Variants in HERC2 observed in about 807,000 individuals in gnomAD.
HERC2 encodes the protein HECT and RLD domain containing E3 ubiquitin protein ligase 2.
In HERC2, 102 loss-of-function variants were observed where a neutral mutation model predicts 537.7. The observed-to-expected ratio is 0.19, with a 90% CI of 0.16 to 0.22. The LOEUF is 0.22. Ranked by LOEUF, HERC2 falls within the 10% of genes least tolerant of loss-of-function variation. HERC2 has a pLI of 1.00. For synonymous variants in HERC2, 2,224 were observed against 2,466.2 expected, an observed-to-expected ratio of 0.90 and a Z score of 2.91; for missense variants, 4,236 against 6,198.2, an observed-to-expected ratio of 0.68 and a Z score of 10.63.
chr15:28,260,152 C>T (rs2075380181), intron 16 of HERC2, among the ~76,000 whole-genome samples: 1 of 146,270 alleles, frequency 6.8e-6, no homozygotes, highest in African/African-American at 2.5e-5. Context: ...CCAGCCTGGG[C>T]AACATAGTGA....
At chr15:28,134,893 G>A (rs1444107403) in intron 79 of HERC2, among the ~76,000 whole-genome samples, 2 of 151,708 alleles carry the variant, frequency 1.3e-5, no homozygotes, top group African/African-American at 4.8e-5. Flanking sequence ...GGCTAGTCTT[G>A]AACTCCTGAG....
At chr15:28,227,947 G>C (rs901620660) in intron 35 of HERC2, among the ~76,000 whole-genome samples, 1 of 152,098 alleles carries the variant, frequency 6.6e-6, no homozygotes, top group African/African-American at 2.4e-5. Context: ...ACTACCAGGG[G>C]CTGGAGGGCA....
chr15:28,228,194 G>A (rs780050458), intron 35 of HERC2, 24 bp downstream of exon 35: 2 of 1,602,726 alleles, frequency 1.2e-6, no homozygotes, highest in Admixed American at 1.7e-5. Context: ...TTTCCCAAAG[G>A]CGCTCAAGCG....
chr15:28,226,140 C>T (rs1304371821), intron 35 of HERC2, among the ~76,000 whole-genome samples: 3 of 152,132 alleles, frequency 2.0e-5, no homozygotes, highest in Admixed American at 6.5e-5. Context: ...TTAAAGAGGA[C>T]AGAAATAAAT....
In HERC2 at chr15:28,111,932, T is replaced by C. The variant is rs1171782971; in HGVS notation, c.14336A>G (p.Glu4779Gly). The change falls in exon 93 of 93, where the codon GAG becomes GGG. Residue 4779 changes from glutamate to glycine, a missense_variant. Coordinates refer to ENST00000261609, the MANE Select transcript of HERC2 (RefSeq NM_004667.6). ...PRYSCKQVLE[E>G]KLKYAIHFCK... ...GAAGTGGATGGCGTACTTGAGCTTC[T>C]CCTCCAGCACCTGCTTGCAGGAATA... 6.2e-7 allele frequency: 1 copy of C among 1,614,000 alleles called. No homozygotes were observed. The highest frequency in any genetic ancestry group is 1.3e-5 in the African/African-American group (1 of 74,890).
intron 14 of HERC2, 152 bp from the exon 15 acceptor site, chr15:28,263,321 A>G (rs74877971): frequency 0.021 from 15,382 of 730,884 alleles, 332 homozygotes; most frequent in Middle Eastern, 0.068. Context: ...AGCAAACGAA[A>G]TCTAGGTGAC....
rs773179188 is a variant in HERC2, at chr15:28,265,648, C to T, written c.1840G>A (p.Asp614Asn). 6.2e-7 allele frequency: 1 copy of T among 1,614,126 alleles called. No individual in the cohort carries two copies. The highest frequency in any genetic ancestry group is 8.5e-7 in the Non-Finnish European group (1 of 1,180,020). ...TCAGTGACAGCCAGGGTTTGAGCAT[C>T]CCCACTCCCACACGCCACATCGATG... ...KVIDVACGSGDAQTLAVTENG... is the reference protein window; with the variant it reads ...KVIDVACGSGNAQTLAVTENG... The change falls in exon 14 of 93, where the codon GAT becomes AAT. Residue 614 changes from aspartate to asparagine, a missense_variant. Physicochemically the swap from Asp to Asn is conservative, Grantham distance 23 (BLOSUM62 1). Transcript: ENST00000261609. The surrounding 1 kb of genome is among the most constrained non-coding windows in gnomAD (Gnocchi z 4.0).
At position 28,254,499 on chromosome 15, in the gene HERC2, T is replaced by C; in HGVS notation, c.2891A>G (p.Glu964Gly). Residue 964 changes from glutamate to glycine, a missense_variant, in exon 20 of 93, where the codon GAA (glutamate) becomes GGA (glycine). Physicochemically the swap from Glu to Gly is moderately conservative, Grantham distance 98. Transcript: ENST00000261609. ...AEIQDIEAKK[E>G]AQKEKEIDEQ... ...ATCAATTTCTTTTTCCTTCTGTGCTTCTTTTTTGGCTTCAATATCCTGTAA... is the reference window on the plus strand; with the variant it reads ...ATCAATTTCTTTTTCCTTCTGTGCTCCTTTTTTGGCTTCAATATCCTGTAA... 6.3e-7 allele frequency: 1 copy of C among 1,595,294 alleles called. No homozygotes were observed. Among genetic ancestry groups the C allele is most frequent in the Admixed American group, 1.9e-5 (1 of 53,818 alleles).
At chr15:28,261,963 C>A (rs933203237) in intron 15 of HERC2, among the ~76,000 whole-genome samples, 1 of 151,484 alleles carries the variant, frequency 6.6e-6, no homozygotes, top group Non-Finnish European at 1.5e-5. Context: ...ACACACAACG[C>A]AGCCCAAGGC....
chr15:28,222,112 G>C lies in HERC2; in HGVS notation c.5568C>G (p.Leu1856=), dbSNP rs1278834883. The C allele has an allele frequency of 9.9e-7, 1 of 1,007,038 alleles. No homozygotes were observed. The highest frequency in any genetic ancestry group is 2.2e-5 in the East Asian group (1 of 44,500). 62.4% of individuals were successfully genotyped at this position (1,007,038 alleles called of 1,614,324 possible). A position where few individuals can be genotyped will look rare whatever the true frequency, so the allele number is the denominator to read the frequency against. Residue 1856 remains leucine, a synonymous_variant, in exon 36 of 93, where the codon CTC becomes CTG. Transcript: ENST00000261609. ...ETRKETAPVQ[L]PVSGPELAAM... ...CAGCCAGTTCTGGTCCTGAAACAGG[G>C]AGCTGCACAGGAGCCGTTTCCTTCC...
chr15:28,138,832 T>G (rs536588388), intron 78 of HERC2, among the ~76,000 whole-genome samples: 1 of 152,334 alleles, frequency 6.6e-6, no homozygotes, highest in East Asian at 1.9e-4. Flanking sequence ...CAAACTAAAT[T>G]GAAAACCTTC....
intron 3 of HERC2, among the ~76,000 whole-genome samples, chr15:28,295,313 G>T (rs1305204213): frequency 7.2e-6 from 1 of 138,402 alleles, no homozygotes; most frequent in Non-Finnish European, 1.6e-5. Flanking sequence ...GTGTGTGGGG[G>T]GGGGGGAGTG....
rs1220491697 is a variant in HERC2, at chr15:28,220,480, T to C, written c.5817A>G (p.Ala1939=). 6.2e-7 allele frequency: 1 copy of C among 1,605,810 alleles called. No individual in the cohort carries two copies. Among genetic ancestry groups the C allele is most frequent in the Non-Finnish European group, 8.5e-7 (1 of 1,179,820 alleles). ...AELPAAAQPS[A]EDSDTEDDSE... ...AGTCATCCTCTGTGTCCGAATCCTC[T>C]GCTGAGGGCTGTGCAGCAGCCGGCA... The change falls in exon 37 of 93, where the codon GCA becomes GCG. Residue 1939 remains alanine (A), a synonymous_variant. Transcript: ENST00000261609.
chr15:28,228,109 C>T (rs1463057922), intron 35 of HERC2, 109 bp downstream of exon 35: 5 of 966,228 alleles, frequency 5.2e-6, no homozygotes, highest in African/African-American at 1.7e-5. Context: ...TTGTGTCTTA[C>T]CATAATTTAC....
rs55907941 is a variant in HERC2, at chr15:28,169,346, T to A, written c.10229+138A>T. ...ATATCACCAATCACCATCAAAGAAC[T>A]TGTGACTTACAACATACAGCATTTA... On this transcript the variant is annotated intron_variant, in intron 66 of 92. Coordinates refer to ENST00000261609, the MANE Select transcript of HERC2 (RefSeq NM_004667.6). 0.043 allele frequency: 25,159 copies of A among 585,192 alleles called. 4,991 individuals are homozygous for A. The African/African-American group carries it at 0.43, about 10-fold the overall frequency. 36.2% of individuals were successfully genotyped at this position (585,192 alleles called of 1,614,324 possible).
chr15:28,307,952 G>A (rs904648201), intron 2 of HERC2, among the ~76,000 whole-genome samples: 16 of 152,092 alleles, frequency 1.1e-4, no homozygotes, highest in African/African-American at 2.9e-4. Context: ...GGTTACTATA[G>A]CTCTGTAGTA....
At chr15:28,171,604 C>A (rs1326506065) in intron 65 of HERC2, among the ~76,000 whole-genome samples, 1 of 151,558 alleles carries the variant, frequency 6.6e-6, no homozygotes, top group Non-Finnish European at 1.5e-5. Context: ...GGGGAAAAAA[C>A]AAAATATTTG....
intron 2 of HERC2, among the ~76,000 whole-genome samples, chr15:28,301,812 T>C (rs1197337523): frequency 7.2e-6 from 1 of 138,150 alleles, no homozygotes; most frequent in Non-Finnish European, 1.6e-5. Flanking sequence ...TTTTTTTTTT[T>C]TTTTTTTGAG....
chr15:28,246,657 A>T, intron 22 of HERC2, 85 bp downstream of exon 22: 1 of 1,182,452 alleles, frequency 8.5e-7, no homozygotes, highest in Non-Finnish European at 1.2e-6. Context: ...GAGTAAATGC[A>T]GGCATGCTGA....
Sources: allele counts gnomAD v4.1 joint callset (sites outside exome capture counted in the v4.1 genomes callset), GRCh38; gene constraint gnomAD v4.1.1; non-coding constraint Gnocchi (gnomAD v3.1); transcripts MANE v1.5; gene names NCBI Gene and HGNC (gene_info 2026-07-23, HGNC 2026-07-21).